Variants in CSMD1 observed in about 807,000 individuals in gnomAD.
CSMD1 encodes CUB and Sushi multiple domains 1.
A neutral mutation model predicts 417.5 loss-of-function variants in CSMD1; 213 were observed. The observed-to-expected ratio is 0.51, with a 90% confidence interval of 0.46 to 0.57. The LOEUF (loss-of-function observed/expected upper bound fraction) is 0.57, where lower values mean the gene tolerates loss of function less well. CSMD1 is among the 20% of genes least tolerant of loss of function. The pLI, the probability that CSMD1 is intolerant of heterozygous loss-of-function variation, is 0.00. For missense variants in CSMD1, 6,923 were observed against 4,529.7 expected (o/e 1.53, Z -15.17); for synonymous variants, 2,862 against 1,736.8 (o/e 1.65, Z -16.11).
intron 49 of CSMD1, among the ~76,000 whole-genome samples, chr8:3,072,588 C>A (rs998882235): frequency 2.0e-5 from 3 of 152,304 alleles, no homozygotes; most frequent in South Asian, 2.1e-4. Flanking sequence ...GGGTTTCCAG[C>A]CCAAATTAAA....
chr8:3,235,916 G>GT (rs11414439), intron 26 of CSMD1, among the ~76,000 whole-genome samples: 1,788 of 119,306 alleles, frequency 0.015, 107 homozygotes, highest in African/African-American at 0.048. Flanking sequence ...GAAGATGTAA[G>GT]TTTTTTTTTT....
rs995937290 is a variant in CSMD1 at position 3,236,658 on chromosome 8, G to A, written c.4154-6427C>T. 3.4e-4 allele frequency among the ~76,000 whole-genome samples: 52 copies of A among 152,180 alleles called. 2 individuals carry two copies. The highest frequency in any genetic ancestry group is 1.1e-3 in the African/African-American group (47 of 41,438). On this transcript the variant is annotated intron_variant, in intron 26 of 69. Transcript: ENST00000635120. ...CTTCAGGCTCTTCACAAAGTGATTG[G>A]CAGAGCACGCTGTCATTCCTCTTCC...
intron 3 of CSMD1, among the ~76,000 whole-genome samples, chr8:4,164,024 G>C (rs183734287): frequency 6.6e-6 from 1 of 152,228 alleles, no homozygotes; most frequent in East Asian, 1.9e-4. Flanking sequence ...AGCAGAGTAA[G>C]CTGTTGGTAC....
At chr8:3,611,024 C>A (rs1000992678) in intron 8 of CSMD1, among the ~76,000 whole-genome samples, 6 of 136,188 alleles carry the variant, frequency 4.4e-5, no homozygotes, top group Middle Eastern at 4.8e-3. Context: ...TAGGTGGGAA[C>A]TGAACAATGA....
intron 49 of CSMD1, among the ~76,000 whole-genome samples, chr8:3,083,438 C>T (rs913974801): frequency 1.1e-4 from 17 of 150,072 alleles, no homozygotes; most frequent in Admixed American, 2.7e-4. Context: ...AATAACTTTT[C>T]GAATCTATAA....
chr8:4,143,204 G>A (rs980887348), intron 3 of CSMD1, among the ~76,000 whole-genome samples: 1 of 151,166 alleles, frequency 6.6e-6, no homozygotes, highest in Admixed American at 6.6e-5. Flanking sequence ...ATGTTTCCCT[G>A]TCCACAGAAC....
At chr8:4,511,232 A>G (rs994208651) in intron 2 of CSMD1, among the ~76,000 whole-genome samples, 1 of 152,104 alleles carries the variant, frequency 6.6e-6, no homozygotes, top group Non-Finnish European at 1.5e-5. Context: ...TCCCAAAAGA[A>G]AGTGTGAATT....
intron 7 of CSMD1, among the ~76,000 whole-genome samples, chr8:3,671,577 ATATATATATATATATATG>A (rs1313330289): frequency 9.6e-6 from 1 of 104,072 alleles, no homozygotes; most frequent in African/African-American, 3.9e-5. Flanking sequence ...ATATATATAT[ATATATATATATATATATG>A]ATTAGTTCTA....
intron 7 of CSMD1, among the ~76,000 whole-genome samples, chr8:3,621,907 G>C (rs966606370): frequency 1.3e-5 from 2 of 151,794 alleles, no homozygotes; most frequent in African/African-American, 4.8e-5. Flanking sequence ...TGTCCAACCA[G>C]AAGTGTATGC....
At chr8:4,501,101 A>G (rs1259205623) in intron 2 of CSMD1, among the ~76,000 whole-genome samples, 1 of 152,162 alleles carries the variant, frequency 6.6e-6, no homozygotes, top group Non-Finnish European at 1.5e-5. Flanking sequence ...AAAAGGGACA[A>G]CCATGAAGAA....
intron 3 of CSMD1, among the ~76,000 whole-genome samples, chr8:4,377,240 T>C (rs1802809434): frequency 6.6e-6 from 1 of 152,152 alleles, no homozygotes; most frequent in Non-Finnish European, 1.5e-5. Context: ...TAACCGAGAT[T>C]AGTAATTAAA....
intron 3 of CSMD1, among the ~76,000 whole-genome samples, chr8:4,314,183 G>C (rs1225626667): frequency 2.6e-4 from 39 of 151,840 alleles, no homozygotes; most frequent in Admixed American, 2.5e-3. Context: ...CTCATTCCTT[G>C]GTTCCCTCAT....
Position 4,466,229 on chromosome 8 carries a change from C to G in CSMD1, c.303-46164G>C, listed in dbSNP as rs115519939. Among the ~76,000 whole-genome samples, 1,262 of 152,112 alleles carry G rather than the reference C, an allele frequency of 8.3e-3. 23 individuals are homozygous for G. The highest frequency in any genetic ancestry group is 0.029 in the African/African-American group (1,195 of 41,462). ...TATAATAGTGAGACAGGGATCTCTC[C>G]TGGCTATCCTTCCCAGATAACCACA... On this transcript the variant is annotated intron_variant, in intron 2 of 69. Transcript: ENST00000635120.
At chr8:3,299,396 G>C (rs1025436524) in intron 25 of CSMD1, among the ~76,000 whole-genome samples, 1 of 152,128 alleles carries the variant, frequency 6.6e-6, no homozygotes, top group Non-Finnish European at 1.5e-5. Context: ...AGGTTGCAGT[G>C]AGCCAAGATC....
chr8:3,054,403 A>G (rs1021426992), intron 49 of CSMD1, among the ~76,000 whole-genome samples: 2 of 152,176 alleles, frequency 1.3e-5, no homozygotes, highest in Non-Finnish European at 2.9e-5. Flanking sequence ...GGATTGCTTG[A>G]GTCCAGGAGT....
At chr8:4,048,208 A>G (rs1460661776) in intron 3 of CSMD1, among the ~76,000 whole-genome samples, 2 of 152,188 alleles carry the variant, frequency 1.3e-5, no homozygotes, top group Non-Finnish European at 2.9e-5. Flanking sequence ...TTCATATTGA[A>G]TAACATACCG....
At chr8:4,012,472 T>A (rs777581345) in intron 4 of CSMD1, among the ~76,000 whole-genome samples, 15 of 152,186 alleles carry the variant, frequency 9.9e-5, no homozygotes, top group Non-Finnish European at 1.8e-4. Context: ...TGCAGGTTTG[T>A]TACTTGCATA....
chr8:3,343,479 C>A, intron 22 of CSMD1, 29 bp from the exon 23 acceptor site: 1 of 1,593,816 alleles, frequency 6.3e-7, no homozygotes, highest in East Asian at 2.2e-5. Context: ...ATGAGTCCCT[C>A]TATGCCTTCA....
intron 3 of CSMD1, among the ~76,000 whole-genome samples, chr8:4,374,891 G>A (rs1004547364): frequency 2.2e-5 from 3 of 137,202 alleles, no homozygotes; most frequent in South Asian, 4.6e-4. Context: ...AGCTGAAGAA[G>A]AGCCAATGAT....
Sources: gnomAD v4.1 joint callset for allele counts (sites outside exome capture counted in the v4.1 genomes callset) on GRCh38, gnomAD v4.1.1 for gene constraint, MANE v1.5 for transcripts, NCBI Gene and HGNC (gene_info 2026-07-23, HGNC 2026-07-21) for gene names.